The following ATR variants were observed in gnomAD, a reference collection of about 807,000 sequenced individuals.
ATR encodes the protein ATR checkpoint kinase.
ATR carries 142 observed loss-of-function variants against 305.3 expected under a neutral mutation model. The observed-to-expected ratio is 0.47, with a 90% CI of 0.41 to 0.53. The LOEUF (loss-of-function observed/expected upper bound fraction) is 0.53. ATR is among the 20% of genes least tolerant of loss of function. ATR has a pLI of 0.00. For missense variants in ATR, 2,135 were observed against 3,133.1 expected (o/e 0.68, Z 7.60); for synonymous variants, 1,050 against 1,068.1 (o/e 0.98, Z 0.33).
chr3:142,474,770 A>G (rs2071392567), intron 36 of ATR, among the ~76,000 whole-genome samples: 2 of 152,206 alleles, frequency 1.3e-5, no homozygotes. Flanking sequence ...TATATTGAAT[A>G]TAAGTGGCAA....
At chr3:142,564,456 A>G (rs1218078765) in intron 3 of ATR, among the ~76,000 whole-genome samples, 3 of 152,244 alleles carry the variant, frequency 2.0e-5, no homozygotes, top group Non-Finnish European at 2.9e-5. Context: ...AAGAAAATGC[A>G]CATGAAATAC....
intron 39 of ATR, among the ~76,000 whole-genome samples, chr3:142,467,516 C>A (rs2071158339): frequency 6.6e-6 from 1 of 152,150 alleles, no homozygotes; most frequent in Non-Finnish European, 1.5e-5. Context: ...CCCCAACCCT[C>A]TTCCCTATCG....
intron 27 of ATR, among the ~76,000 whole-genome samples, chr3:142,509,981 T>C (rs2032465723): frequency 6.6e-6 from 1 of 151,796 alleles, no homozygotes; most frequent in Non-Finnish European, 1.5e-5. Flanking sequence ...TCGGGTATGG[T>C]GGCATGTGCC....
chr3:142,562,455 A>G lies in ATR; in HGVS notation c.947T>C (p.Val316Ala), dbSNP rs767624688. ...EAEAYRNIEP[V>A]YLNMLLEKLC... is the part of the protein sequence containing the mutation. ...TTTTTCCAGCAGCATATTTAAATAG[A>G]CAGGTTCAATATTTCTATAAGCTTC... The change falls in exon 4 of 47, where the codon GTC (valine) becomes GCC (alanine). Residue 316 changes from valine (V) to alanine (A), a missense_variant. Val to Ala is a moderately conservative substitution (Grantham distance 64). Coordinates refer to ENST00000350721, the MANE Select transcript of ATR (RefSeq NM_001184.4). The G allele has an allele frequency of 1.9e-6, 3 of 1,614,016 alleles. No homozygotes were observed. The highest frequency in any genetic ancestry group is 2.5e-6 in the Non-Finnish European group (3 of 1,179,970).
intron 16 of ATR, among the ~76,000 whole-genome samples, chr3:142,546,613 T>A (rs966581705): frequency 3.3e-5 from 5 of 152,174 alleles, no homozygotes; most frequent in African/African-American, 1.2e-4. Flanking sequence ...TCCTGAGTTA[T>A]TCTAACATTT....
intron 23 of ATR, among the ~76,000 whole-genome samples, chr3:142,520,074 C>T (rs995165330): frequency 1.3e-5 from 2 of 152,040 alleles, no homozygotes; most frequent in African/African-American, 4.8e-5. Context: ...ATATTTCAAA[C>T]TTTTTCATTA....
In ATR at chr3:142,555,902, T is replaced by C. The variant is rs2108470353; in HGVS notation, c.2316A>G (p.Lys772=). ...CAAGTTTTACTGGACTAGGTATTTT[T>C]TTTTTCAGTAGGAAAAGGAATGGCT... is the stretch of plus-strand genomic sequence containing the variant. ...VCKPFLFLLK[K]KIPSPVKLAF... Residue 772 remains lysine (K), a synonymous_variant, in exon 10 of 47, where the codon AAA becomes AAG. Coordinates refer to ENST00000350721, the MANE Select transcript of ATR (RefSeq NM_001184.4). 4 of 1,610,736 alleles carry C rather than the reference T, an allele frequency of 2.5e-6. No individual in the cohort carries two copies. Among genetic ancestry groups the C allele is most frequent in the African/African-American group, 1.3e-5 (1 of 74,710 alleles).
chr3:142,536,064 T>A, intron 20 of ATR, 44 bp downstream of exon 20: 1 of 1,318,292 alleles, frequency 7.6e-7, no homozygotes, highest in Non-Finnish European at 1.1e-6. Flanking sequence ...TGGGAACAAT[T>A]CTGTATTAAT....
At chr3:142,526,926 CT>C (rs1034365817) in intron 21 of ATR, among the ~76,000 whole-genome samples, 10 of 151,818 alleles carry the variant, frequency 6.6e-5, no homozygotes, top group African/African-American at 2.4e-4. Context: ...GTAGCTTGGA[CT>C]TTAGGCATGT....
chr3:142,578,732 A>T lies in ATR; in HGVS notation c.-28T>A, dbSNP rs1231736141. ...TGAGGCTGCGAGGCACTAGTCAACC[A>T]CGCCAACGCGGGTTCCCGGCGTCTC... On this transcript the variant is annotated 5_prime_UTR_variant, in exon 1 of 47. Coordinates refer to ENST00000350721, the MANE Select transcript of ATR (RefSeq NM_001184.4). 2 of 1,608,842 alleles carry T rather than the reference A, an allele frequency of 1.2e-6. No individual in the cohort carries two copies. The highest frequency in any genetic ancestry group is 1.7e-6 in the Non-Finnish European group (2 of 1,178,228).
chr3:142,457,758 T>C lies in ATR; in HGVS notation c.7504-3A>G, dbSNP rs2070937089. The C allele has an allele frequency of 5.0e-6, 8 of 1,613,292 alleles. No homozygotes were observed. Among genetic ancestry groups the C allele is most frequent in the Non-Finnish European group, 6.8e-6 (8 of 1,179,312 alleles). ...TCTGGAACTTCAAAGGTTTCTCCCT[T>C]AGAAACAATACATTTTATTACAAAC... On this transcript the variant is annotated splice_region_variant and splice_polypyrimidine_tract_variant and intron_variant, in intron 44 of 46. Coordinates refer to ENST00000350721, the MANE Select transcript of ATR (RefSeq NM_001184.4).
intron 5 of ATR, among the ~76,000 whole-genome samples, 182 bp from the exon 6 acceptor site, chr3:142,560,636 C>T (rs1357706597): frequency 1.3e-5 from 2 of 151,968 alleles, no homozygotes; most frequent in Non-Finnish European, 2.9e-5. Flanking sequence ...TCTCGGCTCA[C>T]TGCAAGCTCC....
intron 9 of ATR, 36 bp downstream of exon 9, chr3:142,556,347 A>T (rs374917153): frequency 1.3e-6 from 2 of 1,579,846 alleles, no homozygotes; most frequent in Non-Finnish European, 1.7e-6. Context: ...TCTTTCCAAT[A>T]GAGTGATATA....
intron 24 of ATR, among the ~76,000 whole-genome samples, chr3:142,518,385 T>C (rs376562354): frequency 6.6e-6 from 1 of 152,060 alleles, no homozygotes; most frequent in East Asian, 1.9e-4. Flanking sequence ...GGCATGGCGG[T>C]GCACGCCTGT....
At chr3:142,545,880 G>A (rs951421391) in intron 16 of ATR, among the ~76,000 whole-genome samples, 2 of 152,132 alleles carry the variant, frequency 1.3e-5, no homozygotes, top group African/African-American at 4.8e-5. Context: ...AAGACTGGGA[G>A]AAAAACAGAT....
intron 34 of ATR, 64 bp from the exon 35 acceptor site, chr3:142,493,375 G>C: frequency 6.8e-7 from 1 of 1,460,166 alleles, no homozygotes; most frequent in Non-Finnish European, 9.3e-7. Context: ...TTCTGCAAAA[G>C]TATTAGTTCA....
chr3:142,454,984 A>G (rs1177288186), intron 45 of ATR, among the ~76,000 whole-genome samples: 6 of 152,218 alleles, frequency 3.9e-5, no homozygotes, highest in Non-Finnish European at 8.8e-5. Context: ...GAAAAACTGT[A>G]TCTGCAGGTG....
chr3:142,486,974 A>AC (rs1176681350), intron 35 of ATR, among the ~76,000 whole-genome samples: 3 of 149,076 alleles, frequency 2.0e-5, no homozygotes, highest in Admixed American at 6.7e-5. Context: ...AAAAAAAAAA[A>AC]AAAAAAACAA....
At chr3:142,575,949 T>A (rs774591690) in intron 1 of ATR, among the ~76,000 whole-genome samples, 3 of 152,228 alleles carry the variant, frequency 2.0e-5, no homozygotes, top group Non-Finnish European at 4.4e-5. Context: ...TGCTGGAATG[T>A]CAAAGGACGG....
Sources: allele counts gnomAD v4.1 joint callset (sites outside exome capture counted in the v4.1 genomes callset), GRCh38; gene constraint gnomAD v4.1.1; transcripts MANE v1.5; gene names NCBI Gene and HGNC (gene_info 2026-07-23, HGNC 2026-07-21).